The following DPP10 variants were observed in gnomAD, a reference collection of about 807,000 sequenced individuals.
The protein encoded by DPP10 is dipeptidyl peptidase like 10.
In DPP10, 33 loss-of-function variants were observed where a neutral mutation model predicts 120.9. The ratio of observed to expected loss-of-function variants is 0.27; its 90% CI spans 0.21 to 0.37. The LOEUF (loss-of-function observed/expected upper bound fraction) is 0.37, where lower values mean the gene tolerates loss of function less well. Ranked by LOEUF, DPP10 falls within the 10% of genes least tolerant of loss-of-function variation. The pLI, the probability that DPP10 is intolerant of heterozygous loss-of-function variation, is 1.00. For synonymous variants in DPP10, 337 were observed against 326.1 expected (o/e 1.03, Z -0.36); for missense variants, 816 against 942.8 (o/e 0.87, Z 1.76).
intron 1 of DPP10, among the ~76,000 whole-genome samples, chr2:114,444,462 T>A (rs983079110): frequency 6.6e-6 from 1 of 152,174 alleles, no homozygotes; most frequent in Non-Finnish European, 1.5e-5. Flanking sequence ...GAATCAAGCA[T>A]TTATTTTCCC....
At chr2:114,696,780 T>C (rs749252590) in intron 1 of DPP10, among the ~76,000 whole-genome samples, 1 of 151,732 alleles carries the variant, frequency 6.6e-6, no homozygotes, top group East Asian at 1.9e-4. Flanking sequence ...AAAAAGTCAT[T>C]AGAGGAGAGG....
intron 3 of DPP10, among the ~76,000 whole-genome samples, chr2:115,471,613 G>T (rs946686431): frequency 5.4e-5 from 8 of 149,412 alleles, no homozygotes; most frequent in African/African-American, 2.0e-4. Flanking sequence ...TTGAGACAAG[G>T]TCTCACACTC....
intron 1 of DPP10, among the ~76,000 whole-genome samples, chr2:115,087,222 T>A (rs1484009265): frequency 6.6e-6 from 1 of 152,212 alleles, no homozygotes. Context: ...AACACCTAGC[T>A]GAGTAGGCCG....
In DPP10 at chr2:115,805,723, C is replaced by T. The variant is rs148925676; in HGVS notation, c.1701-9070C>T. The stretch of plus-strand genomic sequence containing the variant: ...CCGAGTAGCTAGGATTACAGGTGCC[C>T]GTCACCACACCTGGCTAATTTTTGT... On this transcript the variant is annotated intron_variant, in intron 19 of 25. Transcript: ENST00000410059. Among the ~76,000 whole-genome samples the T allele has an allele frequency of 5.3e-3, 810 of 151,916 alleles. 11 individuals are homozygous for T. The highest frequency in any genetic ancestry group is 0.019 in the African/African-American group (780 of 41,444).
chr2:115,194,504 C>G (rs975705132), intron 1 of DPP10, among the ~76,000 whole-genome samples: 3 of 152,150 alleles, frequency 2.0e-5, no homozygotes, highest in Non-Finnish European at 4.4e-5. Flanking sequence ...AGGCTACGCA[C>G]TTGTTTACAC....
At chr2:115,303,723 G>A (rs1456420445) in intron 1 of DPP10, among the ~76,000 whole-genome samples, 4 of 151,692 alleles carry the variant, frequency 2.6e-5, no homozygotes, top group African/African-American at 9.7e-5. Flanking sequence ...TATGCTCACT[G>A]GGAACAGGTC....
intron 1 of DPP10, among the ~76,000 whole-genome samples, chr2:114,561,556 G>A (rs1300586971): frequency 6.6e-6 from 1 of 151,792 alleles, no homozygotes; most frequent in Non-Finnish European, 1.5e-5. Context: ...TACACTTTTT[G>A]GAGTCTTCTC....
chr2:114,739,423 C>T (rs1158907821), intron 1 of DPP10, among the ~76,000 whole-genome samples: 1 of 152,076 alleles, frequency 6.6e-6, no homozygotes, highest in Non-Finnish European at 1.5e-5. Flanking sequence ...CTGTGGGAGG[C>T]CAAGATGGGC....
At chr2:114,972,265 G>A (rs891342020) in intron 1 of DPP10, among the ~76,000 whole-genome samples, 1 of 152,106 alleles carries the variant, frequency 6.6e-6, no homozygotes, top group Non-Finnish European at 1.5e-5. Context: ...TGAAGTTAGG[G>A]AAACAACTGA....
chr2:114,624,141 G>A (rs547087447), intron 1 of DPP10, among the ~76,000 whole-genome samples: 3 of 152,082 alleles, frequency 2.0e-5, no homozygotes, highest in African/African-American at 7.2e-5. Context: ...GTAATGGTTA[G>A]TTCTGTCTTG....
chr2:114,462,702 TC>T (rs1258105738), intron 1 of DPP10, among the ~76,000 whole-genome samples: 1 of 152,140 alleles, frequency 6.6e-6, no homozygotes, highest in Non-Finnish European at 1.5e-5. Context: ...AAAACGCTCT[TC>T]CCCCTGCTTC....
intron 4 of DPP10, among the ~76,000 whole-genome samples, chr2:115,505,000 T>C (rs2076868809): frequency 6.6e-6 from 1 of 152,100 alleles, no homozygotes; most frequent in East Asian, 1.9e-4. Context: ...AGGGCTAAAA[T>C]TGACTACTAC....
intron 5 of DPP10, among the ~76,000 whole-genome samples, chr2:115,609,803 TAAG>T (rs1445356323): frequency 2.6e-5 from 4 of 152,112 alleles, no homozygotes; most frequent in African/African-American, 7.2e-5. Context: ...ATAATATTTA[TAAG>T]GTCATGAATA....
intron 2 of DPP10, among the ~76,000 whole-genome samples, chr2:115,333,059 A>C (rs2106184504): frequency 6.6e-6 from 1 of 152,194 alleles, no homozygotes; most frequent in South Asian, 2.1e-4. Context: ...TGGGAGTCTA[A>C]GTCTCTTTGT....
chr2:115,422,594 A>G (rs2070078604), intron 3 of DPP10, among the ~76,000 whole-genome samples: 1 of 152,228 alleles, frequency 6.6e-6, no homozygotes, highest in African/African-American at 2.4e-5. Flanking sequence ...AAATAAAAGA[A>G]TAACTTGATA....
At chr2:114,553,458 T>A (rs1282461402) in intron 1 of DPP10, among the ~76,000 whole-genome samples, 1 of 152,222 alleles carries the variant, frequency 6.6e-6, no homozygotes, top group Non-Finnish European at 1.5e-5. Context: ...ATGCTGTCCC[T>A]CTAACCACAA....
At chr2:115,588,206 G>C (rs1013023024) in intron 5 of DPP10, among the ~76,000 whole-genome samples, 1 of 152,118 alleles carries the variant, frequency 6.6e-6, no homozygotes, top group African/African-American at 2.4e-5. Flanking sequence ...GTATCTGTGT[G>C]TAAGAAATAT....
intron 7 of DPP10, among the ~76,000 whole-genome samples, chr2:115,720,807 A>G (rs1162751561): frequency 6.6e-6 from 1 of 152,188 alleles, no homozygotes; most frequent in African/African-American, 2.4e-5. Context: ...TGGCATGACT[A>G]AAAAATTAAA....
chr2:114,890,664 T>G (rs2106633639), intron 1 of DPP10, among the ~76,000 whole-genome samples: 1 of 152,354 alleles, frequency 6.6e-6, no homozygotes, highest in East Asian at 1.9e-4. Context: ...GAAGCATGTA[T>G]TGAATGCCTA....
Sources: allele counts gnomAD v4.1 joint callset (sites outside exome capture counted in the v4.1 genomes callset), GRCh38; gene constraint gnomAD v4.1.1; transcripts MANE v1.5; gene names NCBI Gene and HGNC (gene_info 2026-07-23, HGNC 2026-07-21).